The following ZAN variants were observed in gnomAD, a reference collection of about 807,000 sequenced individuals.
ZAN encodes zonadhesin (gene/pseudogene).
ZAN carries 260 observed loss-of-function variants against 286.2 expected under a neutral mutation model. The observed-to-expected ratio is 0.91, with a 90% confidence interval of 0.82 to 1.01. The LOEUF is 1.01. Ranked by LOEUF, ZAN falls within the 50% of genes least tolerant of loss-of-function variation. The probability of loss-of-function intolerance (pLI) is 0.00; values close to 1 mark genes in which losing one functional copy is unlikely to be tolerated. For synonymous variants in ZAN, 1,368 were observed against 1,417.5 expected, an observed-to-expected ratio of 0.97 and a Z score of 0.79; for missense variants, 3,410 against 3,639.2, an observed-to-expected ratio of 0.94 and a Z score of 1.62.
At chr7:100,791,163 T>C in intron 40 of ZAN, 50 bp downstream of exon 40, 3 of 1,574,304 alleles carry the variant, frequency 1.9e-6, no homozygotes, top group Non-Finnish European at 2.6e-6. Flanking sequence ...ACAATGTCTG[T>C]GCACGGTGGC....
In ZAN at chr7:100,792,158, G is replaced by C. The variant is rs1308252600; in HGVS notation, c.7712+10G>C. The stretch of plus-strand genomic sequence containing the variant: ...CAGAGCCCTTCCAAGAGTGAGTCAT[G>C]GGCCCAGGACTTGTGGGAATGGCCC... On this transcript the variant is annotated intron_variant, in intron 41 of 47. Transcript: ENST00000613979. The C allele has an allele frequency of 6.3e-7, 1 of 1,599,224 alleles. No individual in the cohort carries two copies. The highest frequency in any genetic ancestry group is 8.5e-7 in the Non-Finnish European group (1 of 1,172,968).
Position 100,758,562 on chromosome 7 carries a change from C to A in ZAN, c.3483C>A (p.Asp1161Glu). ...CTGCCACCTGCTTGGTCTACGGAGACCCTCATTATGTCACCTTTGACGGGA... is the reference window on the plus strand; with the variant it reads ...CTGCCACCTGCTTGGTCTACGGAGAACCTCATTATGTCACCTTTGACGGGA... ...AGTATCLVYG[D>E]PHYVTFDGRH... Residue 1161 changes from aspartate to glutamate, a missense_variant, in exon 17 of 48, where the codon GAC becomes GAA. Coordinates refer to ENST00000613979, the MANE Select transcript of ZAN (RefSeq NM_003386.3). 1 of 1,564,734 alleles carries A rather than the reference C, an allele frequency of 6.4e-7. No homozygotes were observed. Among genetic ancestry groups the A allele is most frequent in the East Asian group, 2.4e-5 (1 of 41,950 alleles).
Position 100,779,585 on chromosome 7 carries a change from T to G in ZAN, c.6457T>G (p.Cys2153Gly), listed in dbSNP as rs1037219787. The change falls in exon 35 of 48, where the codon TGC becomes GGC. Residue 2153 changes from cysteine (C) to glycine (G), a missense_variant. Physicochemically the swap from Cys to Gly is radical, Grantham distance 159. Transcript: ENST00000613979. ...AALRAPVWAQ[C>G]ASRIDLTPFL... ...GCTCCGGGCTCCTGTGTGGGCCCAGTGCGCCTCCCGCATAGACCTCACGCC... is the reference window on the plus strand; with the variant it reads ...GCTCCGGGCTCCTGTGTGGGCCCAGGGCGCCTCCCGCATAGACCTCACGCC... 1.9e-6 allele frequency: 3 copies of G among 1,609,864 alleles called. No homozygotes were observed. The highest frequency in any genetic ancestry group is 2.5e-6 in the Non-Finnish European group (3 of 1,178,232).
intron 40 of ZAN, 31 bp from the exon 41 acceptor site, chr7:100,791,935 T>A: frequency 6.3e-7 from 1 of 1,586,086 alleles, no homozygotes; most frequent in Non-Finnish European, 8.6e-7. Flanking sequence ...CCTTGGGGCC[T>A]CACCTGACCC....
At chr7:100,751,147 T>C (rs1253280967) in intron 12 of ZAN, 35 bp from the exon 13 acceptor site, 1 of 1,527,072 alleles carries the variant, frequency 6.5e-7, no homozygotes, top group African/African-American at 1.4e-5. Context: ...TTCATTTTTG[T>C]TTCTCTCTCC....
At position 100,765,298 on chromosome 7, in the gene ZAN, C is replaced by A. The variant is rs1048392463; in HGVS notation, c.4268-54C>A. 30 of 1,587,858 alleles carry A rather than the reference C, an allele frequency of 1.9e-5. No individual in the cohort carries two copies. In the African/African-American group the frequency reaches 3.5e-4, roughly 19 times the overall value. ...CCGAACGTGTCCTTCCTGTTTCCCA[C>A]CCAGCCCCGTGGCTTGTTCGTCTCC... On this transcript the variant is annotated intron_variant, in intron 22 of 47. Transcript: ENST00000613979.
chr7:100,794,296 T>C lies in ZAN; in HGVS notation c.8125+38T>C, dbSNP rs372642379. The C allele has an allele frequency of 1.0e-5, 16 of 1,554,014 alleles. No individual in the cohort carries two copies. The African/African-American group carries it at 2.0e-4, about 20-fold the overall frequency. ...TCCTGCCCGGTTCCAAGCTGCCCCATGCCCTGGGGCGTCCATGGACCAAGG... is the reference window on the plus strand; with the variant it reads ...TCCTGCCCGGTTCCAAGCTGCCCCACGCCCTGGGGCGTCCATGGACCAAGG... On this transcript the variant is annotated intron_variant, in intron 44 of 47. Coordinates refer to ENST00000613979, the MANE Select transcript of ZAN (RefSeq NM_003386.3).
chr7:100,745,481 G>T (rs1015703992), intron 7 of ZAN, among the ~76,000 whole-genome samples: 4 of 151,748 alleles, frequency 2.6e-5, no homozygotes, highest in Admixed American at 2.6e-4. Context: ...TGTCTGAGCT[G>T]GGGGCCGAGG....
intron 41 of ZAN, 65 bp downstream of exon 41, chr7:100,792,213 C>A: frequency 6.6e-7 from 1 of 1,507,182 alleles, no homozygotes; most frequent in Non-Finnish European, 8.9e-7. Flanking sequence ...TCCCTGGGGC[C>A]TCCTGCCCGC....
chr7:100,755,095 G>A (rs915965573), intron 14 of ZAN, 131 bp from the exon 15 acceptor site: 2 of 1,100,232 alleles, frequency 1.8e-6, no homozygotes, highest in South Asian at 3.2e-5. Flanking sequence ...CAGCCTTCAG[G>A]CCTTTTTATG....
At chr7:100,749,431 G>C (rs1420980488) in intron 11 of ZAN, among the ~76,000 whole-genome samples, 3 of 151,464 alleles carry the variant, frequency 2.0e-5, no homozygotes, top group South Asian at 2.1e-4. Context: ...ACAAGGTCAG[G>C]AGATCGAGAC....
At chr7:100,794,345 A>G (rs1057359585) in intron 44 of ZAN, 87 bp downstream of exon 44, 1 of 1,505,948 alleles carries the variant, frequency 6.6e-7, no homozygotes, top group African/African-American at 1.4e-5. Context: ...TGTCCTCAGG[A>G]CTCTTCCACA....
At position 100,767,215 on chromosome 7, in the gene ZAN, C is replaced by T. The variant is rs755725577; in HGVS notation, c.4818C>T (p.Val1606=). Residue 1606 remains valine, a synonymous_variant, in exon 25 of 48, where the codon GTC becomes GTT. Transcript: ENST00000613979. ...ACATCAAAGCCGTCCACGTGACAGT[C>T]TTTGACCTCAGCATCTCACTGCTCA... The part of the protein sequence containing the change: ...VSYIKAVHVT[V]FDLSISLLRG... 9 of 1,612,996 alleles carry T rather than the reference C, an allele frequency of 5.6e-6. 1 individual carries two copies. In the East Asian group the frequency reaches 2.0e-4, roughly 36 times the overall value.
chr7:100,793,899 C>CG lies in ZAN; in HGVS notation c.7871dup (p.Leu2625ThrfsTer27). 6.2e-7 allele frequency: 1 copy of CG among 1,613,904 alleles called. No individual in the cohort carries two copies. Among genetic ancestry groups the CG allele is most frequent in the Non-Finnish European group, 8.5e-7 (1 of 1,179,866 alleles). On this transcript the variant is annotated frameshift_variant, in exon 43 of 48. Coordinates refer to ENST00000613979, the MANE Select transcript of ZAN (RefSeq NM_003386.3). LOFTEE classifies it high-confidence loss of function. ...CATCCTGTGCCAACCTGGCAGACCC[C>CG]GGGGACTGCGAGGGCCCCTGCGTGG...
chr7:100,749,250 G>A (rs570023790), intron 11 of ZAN, among the ~76,000 whole-genome samples: 279 of 152,186 alleles, frequency 1.8e-3, no homozygotes, highest in African/African-American at 6.1e-3. Context: ...GCTGAGGCAG[G>A]AGAACTGCCT....
Position 100,755,485 on chromosome 7 carries a change from C to G in ZAN, c.3309+75C>G, listed in dbSNP as rs575698789. 7 of 1,545,868 alleles carry G rather than the reference C, an allele frequency of 4.5e-6. No homozygotes were observed. The South Asian group carries it at 6.1e-5, about 13-fold the overall frequency. On this transcript the variant is annotated intron_variant, in intron 15 of 47. Coordinates refer to ENST00000613979, the MANE Select transcript of ZAN (RefSeq NM_003386.3). ...CACCTGGGTTCCAGCTCCATCTGCT[C>G]CCCATGTGAAGGCAACAGGGATCAC...
intron 14 of ZAN, among the ~76,000 whole-genome samples, chr7:100,754,932 G>A (rs1039749640): frequency 6.6e-6 from 1 of 152,078 alleles, no homozygotes; most frequent in African/African-American, 2.4e-5. Context: ...GTGAGCCACC[G>A]TGCCTAGCCT....
At position 100,776,550 on chromosome 7, in the gene ZAN, G is replaced by A; in HGVS notation, c.6303G>A (p.Lys2101=). ...AATTTGTGAACAGTTGGAAAGATAA[G>A]GACATTGACCCAAGGTAGTGGTCCC... is the stretch of plus-strand genomic sequence containing the variant. ...DSEFVNSWKD[K]DIDPSCQSLL... Residue 2101 remains lysine (K), a synonymous_variant, in exon 34 of 48, where the codon AAG becomes AAA. Coordinates refer to ENST00000613979, the MANE Select transcript of ZAN (RefSeq NM_003386.3). The A allele has an allele frequency of 1.3e-6, 2 of 1,556,702 alleles. No individual in the cohort carries two copies. The highest frequency in any genetic ancestry group is 1.7e-6 in the Non-Finnish European group (2 of 1,149,648).
intron 7 of ZAN, among the ~76,000 whole-genome samples, chr7:100,745,247 C>T (rs918139507): frequency 4.6e-5 from 7 of 151,592 alleles, no homozygotes; most frequent in Admixed American, 1.3e-4. Flanking sequence ...TCTTCCTTCC[C>T]GGTTGTTTCC....
Sources: gnomAD v4.1 joint callset for allele counts (sites outside exome capture counted in the v4.1 genomes callset) on GRCh38, gnomAD v4.1.1 for gene constraint, MANE v1.5 for transcripts, NCBI Gene and HGNC (gene_info 2026-07-23, HGNC 2026-07-21) for gene names.